The following DGKK variants were observed in gnomAD, a reference collection of about 807,000 sequenced individuals.
DGKK encodes the protein 142 kDa diacylglycerol kinase.
A neutral mutation model predicts 92.2 loss-of-function variants in DGKK; 35 were observed. The observed-to-expected ratio is 0.38, with a 90% CI of 0.29 to 0.50. The LOEUF is 0.50. Among genes scored for constraint, DGKK ranks in the 20% least tolerant of loss-of-function variants. The pLI, the probability that DGKK is intolerant of heterozygous loss-of-function variation, is 0.92. For synonymous variants in DGKK, 368 were observed against 360.6 expected, an observed-to-expected ratio of 1.02 and a Z score of -0.23; for missense variants, 910 against 992.2, an observed-to-expected ratio of 0.92 and a Z score of 1.11.
At chrX:50,397,235 TA>T (rs1384617778) in intron 8 of DGKK, among the ~76,000 whole-genome samples, 6 of 112,006 alleles carry the variant, frequency 5.4e-5, no homozygotes. Flanking sequence ...GCTGCATTAA[TA>T]TAACCATAGT....
intron 11 of DGKK, among the ~76,000 whole-genome samples, chrX:50,391,123 T>G (rs188098112): frequency 3.8e-4 from 42 of 111,295 alleles, no homozygotes; most frequent in Middle Eastern, 4.6e-3. Flanking sequence ...TTTTGTTTTG[T>G]TTTGGTTTTT....
chrX:50,382,391 G>T, intron 18 of DGKK, 105 bp downstream of exon 18: 1 of 589,887 alleles, frequency 1.7e-6, no homozygotes, highest in Non-Finnish European at 2.6e-6. Context: ...CTTCCAGTGG[G>T]TCCCTTTCTT....
At chrX:50,378,007 T>C in intron 22 of DGKK, 91 bp downstream of exon 22, 2 of 1,056,374 alleles carry the variant, frequency 1.9e-6, no homozygotes, top group Non-Finnish European at 2.5e-6. Context: ...AGACCTCCTT[T>C]TGAGGAATTC....
At position 50,368,995 on chromosome X, in the gene DGKK, C is replaced by T. The variant is rs782141221; in HGVS notation, c.3761G>A (p.Arg1254His). 1.0e-5 allele frequency: 12 copies of T among 1,205,486 alleles called. No individual in the cohort carries two copies. The highest frequency in any genetic ancestry group is 5.3e-5 in the South Asian group (3 of 56,222). The change falls in exon 28 of 28, where the codon CGT (arginine) becomes CAT (histidine). Residue 1254 changes from arginine to histidine, a missense_variant. Arg to His is a conservative substitution (Grantham distance 29). Transcript: ENST00000611977. ...FIGNLWHRRH[R>H]EDEAEGDDPL... ...ATCATCACCCTCTGCTTCATCTTCA[C>T]GATGTCTGCGGTGCCATAAATTGCC...
intron 14 of DGKK, among the ~76,000 whole-genome samples, chrX:50,387,192 G>A (rs1468994382): frequency 2.7e-5 from 3 of 111,962 alleles, no homozygotes; most frequent in Non-Finnish European, 5.6e-5. Flanking sequence ...CTATATAAAT[G>A]TTGGCTATTG....
In DGKK at chrX:50,393,219, G is replaced by A; in HGVS notation, c.1528C>T (p.Arg510Ter). Reference sequence around the variant, plus strand: ...GGGTTAAGGTATTGCTTGAATTTTCGGAGGAAGACGATCCCCTGATGATCG... The same window carrying A: ...GGGTTAAGGTATTGCTTGAATTTTCAGAGGAAGACGATCCCCTGATGATCG... ...SGDHQGIVFL[R>*]KFKQYLNPSQ... is the part of the protein sequence containing the mutation. The change falls in exon 9 of 28, where the codon CGA becomes TGA. Residue 510 changes from arginine (R) to a stop codon, truncating the protein, a stop_gained. Transcript: ENST00000611977. LOFTEE classifies it high-confidence loss of function. 5.0e-6 allele frequency: 6 copies of A among 1,209,809 alleles called. No homozygotes were observed. The highest frequency in any genetic ancestry group is 6.7e-6 in the Non-Finnish European group (6 of 894,371).
chrX:50,403,674 C>G, intron 5 of DGKK, 77 bp from the exon 6 acceptor site: 1 of 881,083 alleles, frequency 1.1e-6, no homozygotes, highest in East Asian at 3.1e-5. Context: ...CAAAGCTGCT[C>G]TGAAAGTTAG....
At chrX:50,444,149 A>T (rs1557231541) in intron 1 of DGKK, among the ~76,000 whole-genome samples, 1 of 111,389 alleles carries the variant, frequency 9.0e-6, no homozygotes. Flanking sequence ...CATGAAAATA[A>T]GTTCTCATTT....
At chrX:50,384,671 C>G in intron 16 of DGKK, 49 bp downstream of exon 16, 1 of 1,106,033 alleles carries the variant, frequency 9.0e-7, no homozygotes, top group Non-Finnish European at 1.2e-6. Context: ...GGGAGCTAAA[C>G]AACAGTGACG....
intron 4 of DGKK, among the ~76,000 whole-genome samples, chrX:50,417,419 A>G (rs1557228665): frequency 9.0e-6 from 1 of 110,887 alleles, no homozygotes; most frequent in African/African-American, 3.3e-5. Context: ...AAAATCTAGT[A>G]TCTGGAGTCC....
chrX:50,390,348 T>C lies in DGKK; in HGVS notation c.1906A>G (p.Met636Val), dbSNP rs1049282754. Residue 636 changes from methionine (M) to valine (V), a missense_variant, in exon 12 of 28, where the codon ATG (methionine) becomes GTG (valine). Transcript: ENST00000611977. ...GTTACCTCAAATCGTGGTACATCCATTTCAACCTGTCCTTTTAGCAGCGGG... is the reference window on the plus strand; with the variant it reads ...GTTACCTCAAATCGTGGTACATCCACTTCAACCTGTCCTTTTAGCAGCGGG... The part of the protein sequence containing the change: ...QTPLLKGQVE[M>V]DVPRFEAAAI... 6 of 1,211,167 alleles carry C rather than the reference T, an allele frequency of 5.0e-6. No homozygotes were observed. The highest frequency in any genetic ancestry group is 2.2e-5 in the Admixed American group (1 of 46,046).
chrX:50,461,480 T>A (rs1237901532), intron 1 of DGKK, among the ~76,000 whole-genome samples: 1 of 112,675 alleles, frequency 8.9e-6, no homozygotes, highest in Non-Finnish European at 1.9e-5. Context: ...ATTTACTTTT[T>A]AGAAGCTTTC....
chrX:50,413,107 A>AC (rs1925344113), intron 4 of DGKK, among the ~76,000 whole-genome samples: 2 of 109,529 alleles, frequency 1.8e-5, no homozygotes, highest in South Asian at 8.2e-4. Context: ...CCCCCTACCA[A>AC]CCCCCAACCA....
chrX:50,417,593 T>C (rs1925466992), intron 4 of DGKK, among the ~76,000 whole-genome samples: 1 of 111,139 alleles, frequency 9.0e-6, no homozygotes, highest in Non-Finnish European at 1.9e-5. Context: ...TTCATCTGTC[T>C]GTGACTTTTC....
At chrX:50,449,289 T>C (rs782118885) in intron 1 of DGKK, among the ~76,000 whole-genome samples, 1 of 111,246 alleles carries the variant, frequency 9.0e-6, no homozygotes, top group Admixed American at 9.5e-5. Context: ...CTCCTGTTTT[T>C]CCCCTCCTTA....
chrX:50,420,361 T>C, intron 4 of DGKK, 42 bp downstream of exon 4: 1 of 1,131,617 alleles, frequency 8.8e-7, no homozygotes, highest in Non-Finnish European at 1.2e-6. Flanking sequence ...ATTAATTATT[T>C]ACCTATTAAG....
intron 8 of DGKK, among the ~76,000 whole-genome samples, chrX:50,399,421 C>G (rs782144910): frequency 1.7e-3 from 193 of 112,430 alleles, no homozygotes; most frequent in Non-Finnish European, 2.9e-3. Flanking sequence ...AATGCTGGCT[C>G]TTCCCTGGCA....
intron 9 of DGKK, 99 bp downstream of exon 9, chrX:50,393,053 A>C (rs1924741514): frequency 4.1e-6 from 3 of 737,378 alleles, no homozygotes; most frequent in Non-Finnish European, 5.9e-6. Context: ...TTTCCTGCCC[A>C]AATACAAGAA....
chrX:50,376,687 G>A (rs1216546122), intron 23 of DGKK, 71 bp downstream of exon 23: 1 of 1,023,112 alleles, frequency 9.8e-7, no homozygotes, highest in African/African-American at 1.9e-5. Flanking sequence ...GTAGCCAATA[G>A]ACACAAATTG....
Sources: gnomAD v4.1 joint callset for allele counts (sites outside exome capture counted in the v4.1 genomes callset) on GRCh38, gnomAD v4.1.1 for gene constraint, MANE v1.5 for transcripts, NCBI Gene and HGNC (gene_info 2026-07-23, HGNC 2026-07-21) for gene names.